STX18: variants seen among roughly 807,000 people sequenced by gnomAD.
STX18 encodes the protein syntaxin 18, also known as syntaxin-18.
In STX18, 40 loss-of-function variants were observed where a neutral mutation model predicts 50.1. The ratio of observed to expected loss-of-function variants is 0.80; its 90% CI spans 0.62 to 1.04. The LOEUF is 1.04. Among genes scored for constraint, STX18 ranks in the 50% least tolerant of loss-of-function variants. The probability of loss-of-function intolerance (pLI) is 0.00; values close to 1 mark genes in which losing one functional copy is unlikely to be tolerated. For synonymous variants in STX18, 158 were observed against 151.8 expected (o/e 1.04, Z -0.30); for missense variants, 410 against 415.8 (o/e 0.99, Z 0.12).
intron 5 of STX18, among the ~76,000 whole-genome samples, chr4:4,447,515 C>T (rs549732434): frequency 5.1e-4 from 72 of 139,866 alleles, no homozygotes; most frequent in East Asian, 2.8e-3. Context: ...GGCGTGAACC[C>T]GGGAGGCGGA....
intron 1 of STX18, among the ~76,000 whole-genome samples, chr4:4,516,196 G>T (rs1218617657): frequency 6.6e-6 from 1 of 152,176 alleles, no homozygotes; most frequent in Non-Finnish European, 1.5e-5. Flanking sequence ...GATGGGCTCT[G>T]TACATTTCAG....
intron 1 of STX18, among the ~76,000 whole-genome samples, chr4:4,500,079 C>T (rs1022805889): frequency 6.6e-6 from 1 of 150,700 alleles, no homozygotes; most frequent in Non-Finnish European, 1.5e-5. Context: ...TTTTCTATCA[C>T]TTGGTGTTAA....
At chr4:4,450,470 C>T (rs1726685752) in intron 5 of STX18, among the ~76,000 whole-genome samples, 1 of 152,112 alleles carries the variant, frequency 6.6e-6, no homozygotes, top group Non-Finnish European at 1.5e-5. Context: ...ATAGGTCATG[C>T]TAATTTTTGT....
intron 2 of STX18, among the ~76,000 whole-genome samples, chr4:4,469,890 G>A (rs190216215): frequency 3.1e-4 from 47 of 152,238 alleles, no homozygotes; most frequent in Admixed American, 4.6e-4. Flanking sequence ...AAACTTTACC[G>A]AGGAGTAGGC....
At chr4:4,491,861 G>T (rs1728957301) in intron 1 of STX18, among the ~76,000 whole-genome samples, 1 of 151,986 alleles carries the variant, frequency 6.6e-6, no homozygotes, top group African/African-American at 2.4e-5. Context: ...ATTGACAAAA[G>T]ACTTCTTTTT....
intron 5 of STX18, among the ~76,000 whole-genome samples, chr4:4,447,277 C>G (rs1577330417): frequency 6.6e-6 from 1 of 151,960 alleles, no homozygotes; most frequent in East Asian, 1.9e-4. Flanking sequence ...AATTTCTTAG[C>G]CTGTTTTCCC....
intron 1 of STX18, among the ~76,000 whole-genome samples, chr4:4,505,544 C>T (rs546033570): frequency 4.6e-5 from 7 of 152,174 alleles, no homozygotes; most frequent in African/African-American, 1.7e-4. Context: ...CTCTGGGAGG[C>T]CGAGGCAGGC....
At chr4:4,484,878 A>G (rs1300286930) in intron 1 of STX18, among the ~76,000 whole-genome samples, 1 of 152,188 alleles carries the variant, frequency 6.6e-6, no homozygotes, top group Admixed American at 6.5e-5. Context: ...AATATGTAAG[A>G]CCCAGCATGG....
intron 1 of STX18, among the ~76,000 whole-genome samples, chr4:4,528,624 A>C (rs1416538101): frequency 6.6e-6 from 1 of 152,258 alleles, no homozygotes; most frequent in Non-Finnish European, 1.5e-5. Context: ...GGCAATGCAA[A>C]AAATGAACTA....
At chr4:4,469,918 G>T (rs1450047459) in intron 2 of STX18, among the ~76,000 whole-genome samples, 2 of 152,142 alleles carry the variant, frequency 1.3e-5, no homozygotes, top group African/African-American at 4.8e-5. Context: ...CCACCTCGAT[G>T]GGGCCTTCCT....
intron 1 of STX18, among the ~76,000 whole-genome samples, chr4:4,489,707 A>G (rs541320118): frequency 2.0e-5 from 3 of 152,198 alleles, no homozygotes; most frequent in Non-Finnish European, 4.4e-5. Context: ...ACTGCTAAAA[A>G]TGGATTGCTC....
chr4:4,505,909 G>C (rs1286833257), intron 1 of STX18, among the ~76,000 whole-genome samples: 3 of 152,194 alleles, frequency 2.0e-5, no homozygotes. Flanking sequence ...ATGTGTAAAT[G>C]GACTTATGCA....
At chr4:4,460,646 A>G (rs954142434) in intron 2 of STX18, among the ~76,000 whole-genome samples, 1 of 152,188 alleles carries the variant, frequency 6.6e-6, no homozygotes, top group South Asian at 2.1e-4. Flanking sequence ...GAAATCCCAC[A>G]GCCTCCAGCC....
chr4:4,462,708 G>A (rs1191060791), intron 2 of STX18, among the ~76,000 whole-genome samples: 1 of 151,082 alleles, frequency 6.6e-6, no homozygotes, highest in Non-Finnish European at 1.5e-5. Flanking sequence ...AAAAAAAAAA[G>A]ACTGAGTTTC....
At chr4:4,421,077 C>T (rs1724934877) in intron 9 of STX18, 133 bp from the exon 10 acceptor site, 1 of 838,396 alleles carries the variant, frequency 1.2e-6, no homozygotes, top group Non-Finnish European at 1.9e-6. Context: ...GCACTTAGGA[C>T]TTCACATTTT....
intron 1 of STX18, among the ~76,000 whole-genome samples, chr4:4,509,815 G>T (rs1729915382): frequency 6.6e-6 from 1 of 152,024 alleles, no homozygotes; most frequent in African/African-American, 2.4e-5. Context: ...AATGTTTGAA[G>T]GAGAAGTAAA....
At chr4:4,470,159 A>C (rs1727840814) in intron 2 of STX18, among the ~76,000 whole-genome samples, 1 of 152,190 alleles carries the variant, frequency 6.6e-6, no homozygotes, top group African/African-American at 2.4e-5. Flanking sequence ...CGAACCAGGA[A>C]GTTTAATCTG....
chr4:4,495,474 A>G (rs1729125144), intron 1 of STX18, among the ~76,000 whole-genome samples: 1 of 151,864 alleles, frequency 6.6e-6, no homozygotes, highest in Non-Finnish European at 1.5e-5. Context: ...ATGCAGCCTC[A>G]AACTTCTAGG....
chr4:4,515,542 A>G (rs1730213327), intron 1 of STX18, among the ~76,000 whole-genome samples: 1 of 152,160 alleles, frequency 6.6e-6, no homozygotes, highest in Admixed American at 6.6e-5. Flanking sequence ...ATGGACTTTG[A>G]ATACTATACA....
Sources: gnomAD v4.1 joint callset for allele counts (sites outside exome capture counted in the v4.1 genomes callset) on GRCh38, gnomAD v4.1.1 for gene constraint, MANE v1.5 for transcripts, NCBI Gene and HGNC (gene_info 2026-07-23, HGNC 2026-07-21) for gene names.